Variants in KDM4B observed in about 807,000 individuals in gnomAD.
KDM4B encodes the protein lysine demethylase 4B.
In KDM4B, 32 loss-of-function variants were observed where a neutral mutation model predicts 125.2. That is an observed-to-expected ratio of 0.26 (90% CI 0.19 to 0.34). The LOEUF is 0.34. Ranked by LOEUF, KDM4B falls within the 10% of genes least tolerant of loss-of-function variation. The pLI, the probability that KDM4B is intolerant of heterozygous loss-of-function variation, is 1.00. For synonymous variants in KDM4B, 721 were observed against 677.9 expected (o/e 1.06, Z -0.99); for missense variants, 1,190 against 1,577.7 (o/e 0.75, Z 4.16).
rs567474625 is a variant in KDM4B, at chr19:5,114,995, G to A, written c.1115+4177G>A. On this transcript the variant is annotated intron_variant, in intron 10 of 22. Coordinates refer to ENST00000159111, the MANE Select transcript of KDM4B (RefSeq NM_015015.3). The surrounding 1 kb of genome is among the most constrained non-coding windows in gnomAD (Gnocchi z 5.8). ...TGCTTATTTATCTCCACTCTCTCCT[G>A]AAACGCCACTGAAACACCAGAGAGT... Among the ~76,000 whole-genome samples the A allele has an allele frequency of 1.7e-4, 26 of 152,342 alleles. No individual in the cohort carries two copies. The highest frequency in any genetic ancestry group is 5.5e-4 in the African/African-American group (23 of 41,576).
intron 9 of KDM4B, among the ~76,000 whole-genome samples, chr19:5,092,217 G>A (rs2038723228): frequency 6.6e-6 from 1 of 152,186 alleles, no homozygotes; most frequent in Non-Finnish European, 1.5e-5. Flanking sequence ...TGCGGACATT[G>A]GGGCCGTATC....
At chr19:5,111,749 A>C in intron 10 of KDM4B, 1 of 764,964 alleles carries the variant, frequency 1.3e-6, no homozygotes, top group Non-Finnish European at 2.4e-6. Context: ...CAGAGAGCAA[A>C]CATTTGTGAC....
chr19:5,100,021 G>A (rs141848893), intron 9 of KDM4B, among the ~76,000 whole-genome samples: 5 of 152,378 alleles, frequency 3.3e-5, no homozygotes, highest in African/African-American at 9.6e-5. Context: ...AAGTCCCTTC[G>A]AAGGCTGCAC....
At position 5,152,739 on chromosome 19, in the gene KDM4B, C is replaced by T. The variant is rs755153010; in HGVS notation, c.*1228C>T. The T allele has an allele frequency of 2.0e-5, 3 of 152,316 alleles. No homozygotes were observed. The highest frequency in any genetic ancestry group is 4.4e-5 in the Non-Finnish European group (3 of 68,092). 9.4% of individuals were successfully genotyped at this position (152,316 alleles called of 1,614,324 possible). A position where few individuals can be genotyped will look rare whatever the true frequency, so the allele number is the denominator to read the frequency against. On this transcript the variant is annotated 3_prime_UTR_variant, in exon 23 of 23. Transcript: ENST00000159111. The stretch of plus-strand genomic sequence containing the variant: ...GTGCCTCTCCCTCACCAGCTCTGCA[C>T]CCCTCTGGGGAGCCTTCCCCACCTT...
chr19:5,001,589 C>T (rs954007615), intron 1 of KDM4B, among the ~76,000 whole-genome samples: 1 of 152,218 alleles, frequency 6.6e-6, no homozygotes, highest in East Asian at 1.9e-4. Flanking sequence ...AGGGTATCTT[C>T]ATGGTAGATT....
chr19:4,995,960 A>G (rs2035186862), intron 1 of KDM4B, among the ~76,000 whole-genome samples: 1 of 152,072 alleles, frequency 6.6e-6, no homozygotes, highest in South Asian at 2.1e-4. Flanking sequence ...TTACTTACCC[A>G]TTCTCCTACT....
At chr19:5,102,168 G>A (rs991465195) in intron 9 of KDM4B, among the ~76,000 whole-genome samples, 4 of 152,170 alleles carry the variant, frequency 2.6e-5, no homozygotes, top group South Asian at 2.1e-4. Flanking sequence ...GTGGCCGTCC[G>A]TCTGCTCGCC....
intron 1 of KDM4B, among the ~76,000 whole-genome samples, chr19:5,008,410 GT>G (rs1370708904): frequency 1.3e-5 from 2 of 151,988 alleles, no homozygotes; most frequent in Admixed American, 1.3e-4. Context: ...CTTGATTACT[GT>G]AGGTTCATAA....
At chr19:5,000,081 C>T (rs1568216788) in intron 1 of KDM4B, among the ~76,000 whole-genome samples, 1 of 140,018 alleles carries the variant, frequency 7.1e-6, no homozygotes, top group Non-Finnish European at 1.5e-5. Flanking sequence ...CACCTGTCCA[C>T]CCACCCACCC....
chr19:4,993,281 A>C (rs539447683), intron 1 of KDM4B, among the ~76,000 whole-genome samples: 1 of 152,138 alleles, frequency 6.6e-6, no homozygotes, highest in South Asian at 2.1e-4. Flanking sequence ...GTGGTGGCGC[A>C]TGCCTGTATT....
chr19:5,041,096 A>G (rs369809792), intron 4 of KDM4B, 41 bp from the exon 5 acceptor site: 16 of 1,407,620 alleles, frequency 1.1e-5, no homozygotes, highest in Non-Finnish European at 1.6e-5. Flanking sequence ...CGTAGCACCC[A>G]GGCCTCACCC....
chr19:5,060,433 C>CAAAA lies in KDM4B; in HGVS notation c.627-10550_627-10547dup, dbSNP rs901472663. 7.0e-4 allele frequency among the ~76,000 whole-genome samples: 23 copies of CAAAA among 32,974 alleles called. 1 individual carries two copies. The highest frequency in any genetic ancestry group is 1.6e-3 in the East Asian group (1 of 634). The allele number at this position is 32,974 out of a possible 152,430, so 21.6% of individuals were successfully genotyped here. A position where few individuals can be genotyped will look rare whatever the true frequency, so the allele number is the denominator to read the frequency against. On this transcript the variant is annotated intron_variant, in intron 6 of 22. Coordinates refer to ENST00000159111, the MANE Select transcript of KDM4B (RefSeq NM_015015.3). ...GGGTGACGGAGGAAGACTCTGTCTC[C>CAAAA]AAAAAAAAAAAAAAAAAAAAAAAAA...
At chr19:5,023,929 A>G (rs1484853579) in intron 2 of KDM4B, among the ~76,000 whole-genome samples, 1 of 151,504 alleles carries the variant, frequency 6.6e-6, no homozygotes, top group African/African-American at 2.4e-5. Context: ...TGATTTTTAA[A>G]TTTTTTGTAG....
chr19:5,019,922 TGGTGTG>T (rs1475607137), intron 2 of KDM4B, among the ~76,000 whole-genome samples: 3 of 130,934 alleles, frequency 2.3e-5, no homozygotes, highest in African/African-American at 9.1e-5. Context: ...GTGTGGATGT[TGGTGTG>T]GGTGTTGGTG....
At chr19:5,037,344 C>A (rs931986437) in intron 3 of KDM4B, among the ~76,000 whole-genome samples, 5 of 152,206 alleles carry the variant, frequency 3.3e-5, no homozygotes, top group Non-Finnish European at 7.3e-5. Flanking sequence ...AGTAACATCT[C>A]GTGTCTGGGA....
At chr19:4,981,139 C>T (rs781628060) in intron 1 of KDM4B, among the ~76,000 whole-genome samples, 30 of 152,160 alleles carry the variant, frequency 2.0e-4, no homozygotes, top group Admixed American at 3.3e-4. Context: ...CAGTGGGGCC[C>T]TGGCAGGGAC....
intron 11 of KDM4B, 79 bp from the exon 12 acceptor site, chr19:5,130,996 GT>G: frequency 9.1e-7 from 1 of 1,096,990 alleles, no homozygotes; most frequent in Non-Finnish European, 1.3e-6. Context: ...CCCAGTCAAA[GT>G]TGGGGGATTT....
At chr19:5,150,197 G>T (rs980566155) in intron 21 of KDM4B, among the ~76,000 whole-genome samples, 161 bp from the exon 22 acceptor site, 1 of 152,204 alleles carries the variant, frequency 6.6e-6, no homozygotes, top group African/African-American at 2.4e-5. Flanking sequence ...TGCTGCAGGC[G>T]GTGTCAGAGG....
intron 6 of KDM4B, among the ~76,000 whole-genome samples, chr19:5,068,829 C>G (rs1458278337): frequency 6.6e-6 from 1 of 152,264 alleles, no homozygotes; most frequent in Non-Finnish European, 1.5e-5. Flanking sequence ...GAGCCACGTT[C>G]CAGTGTATTA....
Sources: gnomAD v4.1 joint callset for allele counts (sites outside exome capture counted in the v4.1 genomes callset) on GRCh38, gnomAD v4.1.1 for gene constraint, Gnocchi (gnomAD v3.1) non-coding constraint, MANE v1.5 for transcripts, NCBI Gene and HGNC (gene_info 2026-07-23, HGNC 2026-07-21) for gene names.